The following NAV2 variants were observed in gnomAD, a reference collection of about 807,000 sequenced individuals.
NAV2 encodes helicase, APC down-regulated 1.
Under a neutral mutation model 223.2 loss-of-function variants are expected in NAV2, and 54 were observed. The observed-to-expected ratio is 0.24, with a 90% CI of 0.19 to 0.30. NAV2 has a LOEUF of 0.30. Among genes scored for constraint, NAV2 ranks in the 10% least tolerant of loss-of-function variants. The pLI, the probability that NAV2 is intolerant of heterozygous loss-of-function variation, is 1.00. For missense variants in NAV2, 2,806 were observed against 3,147.5 expected, an observed-to-expected ratio of 0.89 and a Z score of 2.60; for synonymous variants, 1,279 against 1,239.3, an observed-to-expected ratio of 1.03 and a Z score of -0.67.
At chr11:19,736,579 C>T (rs924725910) in intron 1 of NAV2, among the ~76,000 whole-genome samples, 4 of 152,212 alleles carry the variant, frequency 2.6e-5, no homozygotes, top group Non-Finnish European at 4.4e-5. Flanking sequence ...GCATGGAGGC[C>T]TTTAAAAAAC....
Position 19,396,715 on chromosome 11 carries a change from G to A in NAV2, c.75+45688G>A, listed in dbSNP as rs114525557. 3.3e-3 allele frequency among the ~76,000 whole-genome samples: 503 copies of A among 152,306 alleles called. 5 individuals carry two copies. The highest frequency in any genetic ancestry group is 0.011 in the African/African-American group (462 of 41,580). Reference sequence around the variant, plus strand: ...TTGGTGAACATTGATGGAGTGGTCCGTGGGGCCTCCAGTTCGTATTTGGAG... The same window carrying A: ...TTGGTGAACATTGATGGAGTGGTCCATGGGGCCTCCAGTTCGTATTTGGAG... On this transcript the variant is annotated intron_variant, in intron 1 of 37. Coordinates refer to the NAV2 transcript ENST00000360655.
intron 1 of NAV2, among the ~76,000 whole-genome samples, chr11:19,610,650 C>T (rs2046611879): frequency 6.6e-6 from 1 of 152,150 alleles, no homozygotes; most frequent in African/African-American, 2.4e-5. Flanking sequence ...TTCAGAGCAG[C>T]AGAATGTGGG....
At chr11:19,698,636 G>T (rs1435727583) in intron 1 of NAV2, among the ~76,000 whole-genome samples, 3 of 152,160 alleles carry the variant, frequency 2.0e-5, no homozygotes, top group Non-Finnish European at 4.4e-5. Flanking sequence ...TCTCCACAAT[G>T]GCACAGACAC....
intron 12 of NAV2, among the ~76,000 whole-genome samples, chr11:20,038,606 C>CA (rs912517757): frequency 6.6e-6 from 1 of 152,174 alleles, no homozygotes; most frequent in African/African-American, 2.4e-5. Context: ...TGAGCGGCAT[C>CA]AGGCAATGGG....
At chr11:19,964,594 C>T (rs571595371) in intron 10 of NAV2, among the ~76,000 whole-genome samples, 1 of 151,602 alleles carries the variant, frequency 6.6e-6, no homozygotes, top group East Asian at 1.9e-4. Flanking sequence ...TTCCTAGGCT[C>T]AAGCAGTCCT....
intron 14 of NAV2, among the ~76,000 whole-genome samples, chr11:20,046,412 A>G (rs2057434288): frequency 6.6e-6 from 1 of 151,832 alleles, no homozygotes; most frequent in South Asian, 2.1e-4. Context: ...CTAGGTGGGT[A>G]GCTCAGGGGA....
chr11:19,646,194 C>CT (rs1342890590), intron 1 of NAV2, among the ~76,000 whole-genome samples: 1 of 152,218 alleles, frequency 6.6e-6, no homozygotes, highest in Non-Finnish European at 1.5e-5. Context: ...CTAATGGCCT[C>CT]TTGAGCAAAT....
chr11:19,949,153 C>G, intron 10 of NAV2, 73 bp downstream of exon 10: 1 of 1,470,792 alleles, frequency 6.8e-7, no homozygotes, highest in South Asian at 1.4e-5. Flanking sequence ...TTGTAGGGCT[C>G]TATTTGATTC....
intron 1 of NAV2, among the ~76,000 whole-genome samples, chr11:19,638,486 C>T (rs1330865340): frequency 6.6e-6 from 1 of 152,202 alleles, no homozygotes; most frequent in African/African-American, 2.4e-5. Context: ...GTGATTTGGA[C>T]TGACAATACT....
chr11:20,014,111 G>A (rs979849781), intron 11 of NAV2, among the ~76,000 whole-genome samples: 9 of 152,136 alleles, frequency 5.9e-5, no homozygotes, highest in East Asian at 1.9e-4. Context: ...GGCTTAAGTC[G>A]CAGTCTGCCT....
chr11:19,807,438 T>C (rs555237792), intron 1 of NAV2, among the ~76,000 whole-genome samples: 1 of 152,366 alleles, frequency 6.6e-6, no homozygotes, highest in African/African-American at 2.4e-5. Context: ...CTTTCTTTTT[T>C]GGGGCACATT....
chr11:19,850,993 A>G (rs2061086465), intron 3 of NAV2, among the ~76,000 whole-genome samples: 1 of 152,224 alleles, frequency 6.6e-6, no homozygotes, highest in Non-Finnish European at 1.5e-5. Flanking sequence ...CCCCTCACAC[A>G]GTAGCACCTT....
chr11:19,490,700 G>A (rs904549959), intron 1 of NAV2, among the ~76,000 whole-genome samples: 4 of 152,110 alleles, frequency 2.6e-5, no homozygotes, highest in South Asian at 4.1e-4. Context: ...AACTTCTTCC[G>A]AATTTCCATT....
At chr11:19,644,793 A>G (rs2047769703) in intron 1 of NAV2, among the ~76,000 whole-genome samples, 1 of 152,226 alleles carries the variant, frequency 6.6e-6, no homozygotes, top group Non-Finnish European at 1.5e-5. Flanking sequence ...ATCAGGATAG[A>G]TGGGCCAGCA....
At chr11:20,037,896 C>T (rs1369141123) in intron 12 of NAV2, among the ~76,000 whole-genome samples, 1 of 137,476 alleles carries the variant, frequency 7.3e-6, no homozygotes, top group Admixed American at 7.7e-5. Flanking sequence ...ACCAGACTGT[C>T]CTTAGATACT....
intron 34 of NAV2, among the ~76,000 whole-genome samples, chr11:20,103,989 C>T (rs1043697361): frequency 8.5e-5 from 13 of 152,312 alleles, no homozygotes; most frequent in Admixed American, 2.6e-4. Flanking sequence ...GTGGAACTTG[C>T]AATCAAGTCT....
chr11:20,005,238 C>CATATATAT (rs748368788), intron 11 of NAV2, among the ~76,000 whole-genome samples: 38 of 80,926 alleles, frequency 4.7e-4, no homozygotes, highest in Admixed American at 1.0e-3. Flanking sequence ...GAGTTTTAAT[C>CATATATAT]ATATATATAT....
At chr11:19,657,261 T>C (rs749396024) in intron 1 of NAV2, among the ~76,000 whole-genome samples, 2 of 152,184 alleles carry the variant, frequency 1.3e-5, no homozygotes, top group Non-Finnish European at 2.9e-5. Flanking sequence ...AAGGCTACCA[T>C]GTTTGCCACT....
rs554689235 is a variant in NAV2 at position 19,714,196 on chromosome 11, G to A, written c.267+234G>A. Reference sequence around the variant, plus strand: ...GAGCTCTTCGAGACCTGGGATGGCGGGCACGTCTGCAGCATCTTCCTGGGG... The same window carrying A: ...GAGCTCTTCGAGACCTGGGATGGCGAGCACGTCTGCAGCATCTTCCTGGGG... On this transcript the variant is annotated intron_variant, in intron 1 of 37. Coordinates refer to ENST00000349880, the MANE Select transcript of NAV2 (RefSeq NM_145117.5). 903 of 696,316 alleles carry A rather than the reference G, an allele frequency of 1.3e-3. 8 individuals are homozygous for A. The African/African-American group carries it at 0.014, about 11-fold the overall frequency. 43.1% of individuals were successfully genotyped at this position (696,316 alleles called of 1,614,324 possible).
Sources: gnomAD v4.1 joint callset for allele counts (sites outside exome capture counted in the v4.1 genomes callset) on GRCh38, gnomAD v4.1.1 for gene constraint, MANE v1.5 for transcripts, NCBI Gene and HGNC (gene_info 2026-07-23, HGNC 2026-07-21) for gene names.